The following ADGRV1 variants were observed in gnomAD, a reference collection of about 807,000 sequenced individuals.
ADGRV1 encodes adhesion G protein-coupled receptor V1.
A neutral mutation model predicts 596.2 loss-of-function variants in ADGRV1; 359 were observed. The observed-to-expected ratio is 0.60, with a 90% confidence interval of 0.55 to 0.66. The LOEUF (loss-of-function observed/expected upper bound fraction) is 0.66, where lower values mean the gene tolerates loss of function less well. ADGRV1 is among the 30% of genes least tolerant of loss of function. The pLI is 0.00. For missense variants in ADGRV1, 7,274 were observed against 7,575.6 expected, an observed-to-expected ratio of 0.96 and a Z score of 1.48; for synonymous variants, 2,681 against 2,679.2, an observed-to-expected ratio of 1.00 and a Z score of -0.02.
chr5:91,142,365 C>G (rs1310208975), intron 87 of ADGRV1, among the ~76,000 whole-genome samples: 1 of 151,986 alleles, frequency 6.6e-6, no homozygotes, highest in African/African-American at 2.4e-5. Context: ...TTTTTAATTC[C>G]AAATTTGTAA....
intron 3 of ADGRV1, 119 bp downstream of exon 3, chr5:90,618,072 G>A: frequency 1.5e-6 from 1 of 657,210 alleles, no homozygotes; most frequent in Non-Finnish European, 2.4e-6. Context: ...AACTGGTGGT[G>A]GTATTCATAG....
At chr5:90,982,133 A>G (rs1254067842) in intron 84 of ADGRV1, among the ~76,000 whole-genome samples, 2 of 152,190 alleles carry the variant, frequency 1.3e-5, no homozygotes, top group Non-Finnish European at 2.9e-5. Context: ...GTTCTTATCC[A>G]TCTTTCTTAA....
At chr5:90,713,042 G>T (rs1009218534) in intron 42 of ADGRV1, among the ~76,000 whole-genome samples, 10 of 152,046 alleles carry the variant, frequency 6.6e-5, no homozygotes, top group Non-Finnish European at 1.2e-4. Context: ...GAACTTGAGG[G>T]TTGGAAGGGC....
intron 1 of ADGRV1, among the ~76,000 whole-genome samples, chr5:90,562,230 C>A (rs779040621): frequency 1.5e-4 from 23 of 152,166 alleles, no homozygotes; most frequent in Non-Finnish European, 3.2e-4. Flanking sequence ...GATAAACATA[C>A]TACTAATAAA....
In ADGRV1 at chr5:90,791,130, T is replaced by A; in HGVS notation, c.14301T>A (p.Tyr4767Ter). 6.2e-7 allele frequency: 1 copy of A among 1,613,988 alleles called. No individual in the cohort carries two copies. The highest frequency in any genetic ancestry group is 8.5e-7 in the Non-Finnish European group (1 of 1,179,872). ...ACCCACATGGAGTATTTGCCCTGTA[T>A]TCGGATCGCCAGTCAATACTTATTG... The part of the protein sequence containing the change: ...NDDPHGVFAL[Y>*]SDRQSILIGQ... The change falls in exon 70 of 90, where the codon TAT (tyrosine) becomes TAA (stop). Residue 4767 changes from tyrosine (Y) to a stop codon, truncating the protein, a stop_gained. Coordinates refer to ENST00000405460, the MANE Select transcript of ADGRV1 (RefSeq NM_032119.4). LOFTEE classifies it high-confidence loss of function.
chr5:90,784,431 G>A (rs1489177133), intron 67 of ADGRV1, among the ~76,000 whole-genome samples: 1 of 152,158 alleles, frequency 6.6e-6, no homozygotes, highest in African/African-American at 2.4e-5. Context: ...GCAGAGCTGA[G>A]CAATAAACAA....
chr5:90,576,058 C>T lies in ADGRV1; in HGVS notation c.22+17141C>T, dbSNP rs73177840. Among the ~76,000 whole-genome samples, 1,313 of 152,256 alleles carry T rather than the reference C, an allele frequency of 8.6e-3. 11 individuals carry two copies. The highest frequency in any genetic ancestry group is 0.023 in the African/African-American group (940 of 41,534). Reference sequence around the variant, plus strand: ...ATTTCCTGTTCATTACATTGCCATGCGCAATTCAGACAAGACATCCCAGCA... The same window carrying T: ...ATTTCCTGTTCATTACATTGCCATGTGCAATTCAGACAAGACATCCCAGCA... On this transcript the variant is annotated intron_variant, in intron 1 of 89. Coordinates refer to ENST00000405460, the MANE Select transcript of ADGRV1 (RefSeq NM_032119.4).
intron 85 of ADGRV1, among the ~76,000 whole-genome samples, chr5:91,071,851 AT>A (rs1005013626): frequency 8.6e-5 from 13 of 151,672 alleles, no homozygotes; most frequent in Non-Finnish European, 1.3e-4. Context: ...ATTTTTTTGT[AT>A]TTTTAGTAGA....
intron 1 of ADGRV1, among the ~76,000 whole-genome samples, chr5:90,576,902 A>G (rs1055501469): frequency 2.0e-5 from 3 of 152,198 alleles, no homozygotes; most frequent in Non-Finnish European, 4.4e-5. Context: ...TGTTGGCTGC[A>G]TCAGTGACTT....
At chr5:90,815,554 G>T (rs532528890) in intron 74 of ADGRV1, 65 bp from the exon 75 acceptor site, 20 of 879,746 alleles carry the variant, frequency 2.3e-5, no homozygotes, top group Non-Finnish European at 3.6e-5. Flanking sequence ...GGCAAGATTA[G>T]TGGAGCATGG....
At chr5:91,118,448 A>G (rs1034382071) in intron 87 of ADGRV1, among the ~76,000 whole-genome samples, 2 of 152,084 alleles carry the variant, frequency 1.3e-5, no homozygotes, top group Non-Finnish European at 2.9e-5. Flanking sequence ...GGCCTTTTGC[A>G]TTCTATCTAT....
Position 90,716,611 on chromosome 5 carries a change from G to A in ADGRV1, c.9329G>A (p.Gly3110Glu), listed in dbSNP as rs886044443. The change falls in exon 43 of 90, where the codon GGA becomes GAA. Residue 3110 changes from glycine (G) to glutamate (E), a missense_variant. Physicochemically the swap from Gly to Glu is moderately conservative, Grantham distance 98 (BLOSUM62 -2). Around this residue, in one of 5 missense-constraint regions of ADGRV1, gnomAD observed 3,643 missense variants for 3,809.2 expected, o/e 0.96. Coordinates refer to ENST00000405460, the MANE Select transcript of ADGRV1 (RefSeq NM_032119.4). ...VLYIVREPAQ[G>E]LFGTVTVQFI... is the part of the protein sequence containing the mutation. Reference sequence around the variant, plus strand: ...TACATTGTTCGGGAACCTGCACAAGGATTGTTTGGAACAGTGACAGTTCAG... The same window carrying A: ...TACATTGTTCGGGAACCTGCACAAGAATTGTTTGGAACAGTGACAGTTCAG... 5.6e-6 allele frequency: 9 copies of A among 1,613,746 alleles called. No individual in the cohort carries two copies. The highest frequency in any genetic ancestry group is 7.6e-6 in the Non-Finnish European group (9 of 1,179,824).
At position 90,643,910 on chromosome 5, in the gene ADGRV1, T is replaced by C. The variant is rs1262890413; in HGVS notation, c.2661T>C (p.His887=). The C allele has an allele frequency of 6.2e-7, 1 of 1,612,390 alleles. No individual in the cohort carries two copies. Among genetic ancestry groups the C allele is most frequent in the Non-Finnish European group, 8.5e-7 (1 of 1,179,000 alleles). ...NITILKNDDP[H]GIIEFVSDGL... is the part of the protein sequence containing the mutation. ...CGATTCTGAAAAATGATGATCCTCA[T>C]GGCATTATAGAATTTGTTTCTGATG... Residue 887 remains histidine (H), a synonymous_variant, in exon 14 of 90, where the codon CAT becomes CAC. Coordinates refer to ENST00000405460, the MANE Select transcript of ADGRV1 (RefSeq NM_032119.4).
chr5:90,652,303 G>T (rs1189132639), intron 18 of ADGRV1, 43 bp from the exon 19 acceptor site: 1 of 1,376,810 alleles, frequency 7.3e-7, no homozygotes, highest in Admixed American at 2.1e-5. Context: ...TCTCATTAGA[G>T]TAAGATTCAC....
intron 86 of ADGRV1, among the ~76,000 whole-genome samples, chr5:91,074,878 G>T (rs1435330163): frequency 1.3e-5 from 2 of 152,170 alleles, no homozygotes; most frequent in Non-Finnish European, 2.9e-5. Context: ...ATTCTGACTG[G>T]TGTGAAGTGG....
At chr5:90,761,203 A>ATAACTGCC (rs5869519) in intron 58 of ADGRV1, among the ~76,000 whole-genome samples, 93,813 of 151,228 alleles carry the variant, frequency 0.62, 29,521 homozygotes, top group East Asian at 0.82. Context: ...AATATAACAA[A>ATAACTGCC]TAAGGATTTG....
At chr5:90,763,128 C>A (rs1049186475) in intron 58 of ADGRV1, 177 bp from the exon 59 acceptor site, 11 of 510,392 alleles carry the variant, frequency 2.2e-5, no homozygotes, top group African/African-American at 1.9e-4. Flanking sequence ...ACTAGTTGAG[C>A]ATCTAGGAAT....
At chr5:91,105,267 T>A (rs1421785281) in intron 87 of ADGRV1, among the ~76,000 whole-genome samples, 1 of 152,126 alleles carries the variant, frequency 6.6e-6, no homozygotes, top group East Asian at 1.9e-4. Context: ...ATTCCACATC[T>A]TGGCTATTGC....
intron 83 of ADGRV1, among the ~76,000 whole-genome samples, chr5:90,879,612 T>C (rs369304036): frequency 2.7e-3 from 417 of 152,268 alleles, no homozygotes; most frequent in African/African-American, 9.5e-3. Flanking sequence ...GCTTTTTTTT[T>C]CTCCAAATGG....
Sources: gnomAD v4.1 joint callset for allele counts (sites outside exome capture counted in the v4.1 genomes callset) on GRCh38, gnomAD v4.1.1 for gene constraint, gnomAD v4.1.1 regional missense constraint, MANE v1.5 for transcripts, NCBI Gene and HGNC (gene_info 2026-07-23, HGNC 2026-07-21) for gene names.